B3GALT5: variants seen among roughly 807,000 people sequenced by gnomAD.
The protein encoded by B3GALT5 is UDP-Gal:betaGlcNAc beta 1,3-galactosyltransferase, polypeptide 5.
For synonymous variants in B3GALT5, 156 were observed against 158.6 expected (o/e 0.98, Z 0.12); for missense variants, 328 against 396.6 (o/e 0.83, Z 1.47).
intron 1 of B3GALT5, among the ~76,000 whole-genome samples, chr21:39,624,630 G>A (rs1453127886): frequency 1.3e-5 from 2 of 152,180 alleles, no homozygotes; most frequent in Admixed American, 1.3e-4. Flanking sequence ...CTGAGGTGGA[G>A]GTGCTGATGG....
intron 1 of B3GALT5, among the ~76,000 whole-genome samples, chr21:39,619,039 C>CT (rs1204736252): frequency 1.3e-5 from 2 of 152,104 alleles, no homozygotes; most frequent in Non-Finnish European, 2.9e-5. Flanking sequence ...TTCAGTACTC[C>CT]TTTTTCTGGT....
chr21:39,624,703 G>A (rs139438138), intron 1 of B3GALT5, among the ~76,000 whole-genome samples: 1 of 152,162 alleles, frequency 6.6e-6, no homozygotes, highest in East Asian at 1.9e-4. Context: ...GTTTTCTGGA[G>A]AATCCATAAA....
At chr21:39,634,966 C>T (rs547152281) in intron 1 of B3GALT5, among the ~76,000 whole-genome samples, 2 of 152,288 alleles carry the variant, frequency 1.3e-5, no homozygotes, top group South Asian at 4.1e-4. Context: ...AAGCATTTGT[C>T]ATCTCAAGGC....
At chr21:39,646,236 C>T (rs866173044) in intron 1 of B3GALT5, among the ~76,000 whole-genome samples, 156 bp from the exon 2 acceptor site, 1 of 152,210 alleles carries the variant, frequency 6.6e-6, no homozygotes, top group South Asian at 2.1e-4. Flanking sequence ...AATCACCCAC[C>T]GGCCTCCTCT....
intron 1 of B3GALT5, among the ~76,000 whole-genome samples, chr21:39,642,958 A>C (rs1193028742): frequency 2.0e-5 from 3 of 151,966 alleles, no homozygotes; most frequent in African/African-American, 7.2e-5. Flanking sequence ...AGGCTGAGGC[A>C]GGAGGATTGC....
Position 39,665,844 on chromosome 21 carries a change from T to C in B3GALT5, c.*4352T>C, listed in dbSNP as rs148802698. 3.3e-5 allele frequency: 5 copies of C among 152,330 alleles called. No homozygotes were observed. The highest frequency in any genetic ancestry group is 1.3e-4 in the Admixed American group (2 of 15,302). 9.4% of individuals were successfully genotyped at this position (152,330 alleles called of 1,614,324 possible). On this transcript the variant is annotated 3_prime_UTR_variant, in exon 4 of 4. Coordinates refer to ENST00000684187, the MANE Select transcript of B3GALT5 (RefSeq NM_001356336.2). ...TGTAATATCTGTTTATTATAACATA[T>C]CTATATTTTATGGTTTATGTTTCAC...
At chr21:39,658,272 A>T (rs2079469601) in intron 2 of B3GALT5, among the ~76,000 whole-genome samples, 1 of 151,646 alleles carries the variant, frequency 6.6e-6, no homozygotes, top group African/African-American at 2.4e-5. Flanking sequence ...TGGGTTTGGC[A>T]CCTGCTCTGC....
At chr21:39,614,937 G>A (rs990965363) in intron 1 of B3GALT5, among the ~76,000 whole-genome samples, 9 of 152,158 alleles carry the variant, frequency 5.9e-5, no homozygotes, top group East Asian at 1.9e-4. Context: ...CTCTCTCCCC[G>A]GGTGACCGGG....
intron 1 of B3GALT5, among the ~76,000 whole-genome samples, chr21:39,640,668 T>C (rs1156555655): frequency 1.3e-5 from 2 of 151,846 alleles, no homozygotes; most frequent in Non-Finnish European, 2.9e-5. Context: ...GTGGATTCCA[T>C]CAAGAAAGAT....
At chr21:39,630,931 A>G (rs2079188845) in intron 1 of B3GALT5, among the ~76,000 whole-genome samples, 1 of 152,154 alleles carries the variant, frequency 6.6e-6, no homozygotes, top group African/African-American at 2.4e-5. Context: ...GAAAAATTAT[A>G]TGGAAAAAAA....
In B3GALT5 at chr21:39,671,179, G is replaced by T. The variant is rs1022849888; in HGVS notation, c.*9687G>T. 1.3e-5 allele frequency: 2 copies of T among 152,142 alleles called. No homozygotes were observed. Among genetic ancestry groups the T allele is most frequent in the Non-Finnish European group, 2.9e-5 (2 of 68,034 alleles). The allele number at this position is 152,142 out of a possible 1,614,324, so 9.4% of individuals were successfully genotyped here. On this transcript the variant is annotated 3_prime_UTR_variant, in exon 4 of 4. Transcript: ENST00000684187. Reference sequence around the variant, plus strand: ...TCCTGACCCAGTCACCTCTTAAAAGGTCCCACCTCTCAACGCTGTTGCACT... The same window carrying T: ...TCCTGACCCAGTCACCTCTTAAAAGTTCCCACCTCTCAACGCTGTTGCACT...
rs1341808364 is a variant in B3GALT5, at chr21:39,665,320, T to C, written c.*3828T>C. ...AGCCTGCATTGCCTCTCACCTGCAT[T>C]CGTGCAGCTACCTCCAGACCCTCCC... On this transcript the variant is annotated 3_prime_UTR_variant, in exon 4 of 4. Coordinates refer to ENST00000684187, the MANE Select transcript of B3GALT5 (RefSeq NM_001356336.2). 6.6e-6 allele frequency: 1 copy of C among 152,286 alleles called. No individual in the cohort carries two copies. Among genetic ancestry groups the C allele is most frequent in the Non-Finnish European group, 1.5e-5 (1 of 68,136 alleles). 9.4% of individuals were successfully genotyped at this position (152,286 alleles called of 1,614,324 possible). A position where few individuals can be genotyped will look rare whatever the true frequency, so the allele number is the denominator to read the frequency against.
In B3GALT5 at chr21:39,639,448, CTTTCTTTT is replaced by C. The variant is rs1382678980; in HGVS notation, c.-391-6936_-391-6929del. On this transcript the variant is annotated intron_variant, in intron 1 of 3. Transcript: ENST00000684187. The stretch of plus-strand genomic sequence containing the variant: ...TCTTTCTTTCTTTCTTTCTTTCTTT[CTTTCTTTT>C]TTTCTTTCTCTCTCTCTCTCTCTTT... Among the ~76,000 whole-genome samples, 72 of 121,774 alleles carry C rather than the reference CTTTCTTTT, an allele frequency of 5.9e-4. 2 individuals are homozygous for C. Among genetic ancestry groups the C allele is most frequent in the South Asian group, 1.1e-3 (4 of 3,626 alleles). 79.9% of individuals were successfully genotyped at this position (121,774 alleles called of 152,430 possible). A position where few individuals can be genotyped will look rare whatever the true frequency, so the allele number is the denominator to read the frequency against.
chr21:39,639,398 CTT>C (rs762137403), intron 1 of B3GALT5, among the ~76,000 whole-genome samples: 6,883 of 74,188 alleles, frequency 0.093, 562 homozygotes, highest in East Asian at 0.15. Context: ...TTCCTTCTTT[CTT>C]TTTCTTTCTT....
At chr21:39,649,741 A>G (rs2079376798) in intron 2 of B3GALT5, among the ~76,000 whole-genome samples, 1 of 152,068 alleles carries the variant, frequency 6.6e-6, no homozygotes, top group African/African-American at 2.4e-5. Flanking sequence ...CGAGGAACCG[A>G]TCAGATAGTG....
chr21:39,623,619 C>G (rs1313810012), intron 1 of B3GALT5, among the ~76,000 whole-genome samples: 1 of 152,036 alleles, frequency 6.6e-6, no homozygotes, highest in African/African-American at 2.4e-5. Flanking sequence ...TTACTTCTTT[C>G]CAGCATTTTG....
chr21:39,621,735 T>A (rs1261725064), intron 1 of B3GALT5, among the ~76,000 whole-genome samples: 2 of 152,154 alleles, frequency 1.3e-5, no homozygotes, highest in Non-Finnish European at 2.9e-5. Context: ...TTTAACATTT[T>A]AAAAATTTCT....
chr21:39,652,367 A>C (rs1199676057), intron 2 of B3GALT5, among the ~76,000 whole-genome samples: 2 of 152,222 alleles, frequency 1.3e-5, no homozygotes, highest in Non-Finnish European at 2.9e-5. Flanking sequence ...AACTGAGTTG[A>C]GGTTTGTTAG....
At chr21:39,622,280 AG>A (rs1042642278) in intron 1 of B3GALT5, among the ~76,000 whole-genome samples, 1 of 152,084 alleles carries the variant, frequency 6.6e-6, no homozygotes, top group African/African-American at 2.4e-5. Flanking sequence ...TAATAAATGA[AG>A]TTTATTAATT....
Sources: gnomAD v4.1 joint callset for allele counts (sites outside exome capture counted in the v4.1 genomes callset) on GRCh38, gnomAD v4.1.1 for gene constraint, MANE v1.5 for transcripts, NCBI Gene and HGNC (gene_info 2026-07-23, HGNC 2026-07-21) for gene names.